The following TMEM272 variants were observed in gnomAD, a reference collection of about 807,000 sequenced individuals.
TMEM272 encodes the protein transmembrane protein 272, also known as long intergenic non-protein coding RNA 282.
Under a neutral mutation model 3.7 loss-of-function variants are expected in TMEM272, and 8 were observed. The observed-to-expected ratio is 2.17, with a 90% confidence interval of 1.27 to 3.91. The LOEUF (loss-of-function observed/expected upper bound fraction) is 3.91, where lower values mean the gene tolerates loss of function less well. TMEM272 is among the 30% of genes most tolerant of loss of function. TMEM272 has a pLI of 0.00. For synonymous variants in TMEM272, 63 were observed against 39.8 expected (o/e 1.58, Z -2.20); for missense variants, 166 against 91.5 (o/e 1.81, Z -3.32).
the TMEM272 span, among the ~76,000 whole-genome samples, chr13:51,923,535 C>T: frequency 1.6e-4 from 25 of 152,270 alleles, no homozygotes; most frequent in South Asian, 8.3e-4. Flanking sequence ...TGGAAAGTGC[C>T]GGCAGCCACT....
At chr13:51,911,552 C>T in the TMEM272 span, among the ~76,000 whole-genome samples, 49 of 152,212 alleles carry the variant, frequency 3.2e-4, no homozygotes, top group Admixed American at 1.0e-3. Flanking sequence ...TCAACTCATC[C>T]GGAAAGCTTG....
intron 1 of TMEM272, among the ~76,000 whole-genome samples, chr13:51,844,462 T>C (rs913901): frequency 0.15 from 23,304 of 152,164 alleles, 2,212 homozygotes; most frequent in Middle Eastern, 0.24. Flanking sequence ...TCCTTTCTTA[T>C]CTGTAGCTCT....
At chr13:51,867,534 T>C in the TMEM272 span, among the ~76,000 whole-genome samples, 2 of 152,126 alleles carry the variant, frequency 1.3e-5, no homozygotes, top group South Asian at 4.2e-4. Context: ...GGTGAACAAA[T>C]ACCCTTGGTG....
chr13:51,829,056 C>T (rs1392668144), intron 2 of TMEM272, among the ~76,000 whole-genome samples: 1 of 152,206 alleles, frequency 6.6e-6, no homozygotes, highest in African/African-American at 2.4e-5. Context: ...GGGTAGAATA[C>T]ACCCATATCA....
chr13:51,875,892 C>T, the TMEM272 span, among the ~76,000 whole-genome samples: 1 of 152,174 alleles, frequency 6.6e-6, no homozygotes, highest in African/African-American at 2.4e-5. Context: ...CAGTGCAAAC[C>T]CCAACTCCAA....
the TMEM272 span, among the ~76,000 whole-genome samples, chr13:51,859,971 C>A: frequency 1.3e-5 from 2 of 151,940 alleles, no homozygotes; most frequent in African/African-American, 2.4e-5. Flanking sequence ...TAGCTCACTG[C>A]AGCTCGACCT....
chr13:51,884,993 A>C, the TMEM272 span, among the ~76,000 whole-genome samples: 1 of 152,234 alleles, frequency 6.6e-6, no homozygotes, highest in Admixed American at 6.5e-5. Flanking sequence ...CAGGCACAGA[A>C]GATGCTTTCG....
At chr13:51,828,930 T>A (rs1002705683) in intron 2 of TMEM272, among the ~76,000 whole-genome samples, 3 of 152,184 alleles carry the variant, frequency 2.0e-5, no homozygotes, top group African/African-American at 7.2e-5. Flanking sequence ...GGCAATGATG[T>A]TCTAAGAAAC....
the TMEM272 span, among the ~76,000 whole-genome samples, chr13:51,927,629 T>G: frequency 6.6e-6 from 1 of 152,178 alleles, no homozygotes; most frequent in South Asian, 2.1e-4. Flanking sequence ...TCCACACTCT[T>G]GTTCACTAGC....
At chr13:51,924,686 C>G in the TMEM272 span, among the ~76,000 whole-genome samples, 2 of 152,160 alleles carry the variant, frequency 1.3e-5, no homozygotes, top group African/African-American at 4.8e-5. Flanking sequence ...TGTCTCCAAA[C>G]AGTGTGGCCC....
rs1392345884 is a variant in TMEM272, at chr13:51,814,270, C to G, written c.*2481G>C. 3 of 152,250 alleles carry G rather than the reference C, an allele frequency of 2.0e-5. No individual in the cohort carries two copies. Among genetic ancestry groups the G allele is most frequent in the Non-Finnish European group, 2.9e-5 (2 of 68,068 alleles). The allele number at this position is 152,250 out of a possible 1,614,324, so 9.4% of individuals were successfully genotyped here. A position where few individuals can be genotyped will look rare whatever the true frequency, so the allele number is the denominator to read the frequency against. On this transcript the variant is annotated 3_prime_UTR_variant, in exon 5 of 5. Transcript: ENST00000629372. The stretch of plus-strand genomic sequence containing the variant: ...TATAGACCATTTGCCTTACTTAGCC[C>G]CAGAGCCTCTTTCTTGAAATGTGCC...
chr13:51,831,422 T>TAAATA (rs1181521946), intron 2 of TMEM272, among the ~76,000 whole-genome samples: 3 of 152,234 alleles, frequency 2.0e-5, no homozygotes, highest in East Asian at 1.9e-4. Context: ...AGACCTCATC[T>TAAATA]AAATAAAATA....
chr13:51,857,847 T>G, the TMEM272 span, among the ~76,000 whole-genome samples: 17 of 151,794 alleles, frequency 1.1e-4, no homozygotes, highest in Non-Finnish European at 2.5e-4. Flanking sequence ...AAAACAAAAC[T>G]CAACTATATG....
the TMEM272 span, among the ~76,000 whole-genome samples, chr13:51,864,736 G>A: frequency 6.6e-6 from 1 of 152,144 alleles, no homozygotes; most frequent in East Asian, 1.9e-4. Flanking sequence ...CGGGTCATCT[G>A]GTGTCTTTCT....
At chr13:51,881,870 G>A in the TMEM272 span, among the ~76,000 whole-genome samples, 14 of 151,916 alleles carry the variant, frequency 9.2e-5, no homozygotes, top group Admixed American at 5.9e-4. Flanking sequence ...TGAGGTTATG[G>A]TATTCCATTA....
chr13:51,818,523 G>A (rs1197526780), intron 4 of TMEM272, among the ~76,000 whole-genome samples: 1 of 152,184 alleles, frequency 6.6e-6, no homozygotes, highest in African/African-American at 2.4e-5. Flanking sequence ...GGGAATGGAT[G>A]TTGTACAAAA....
chr13:51,884,295 G>C, the TMEM272 span, among the ~76,000 whole-genome samples: 1 of 152,160 alleles, frequency 6.6e-6, no homozygotes, highest in African/African-American at 2.4e-5. Context: ...TCCACAGATG[G>C]GGAGCCTAGA....
At chr13:51,927,848 TA>T in the TMEM272 span, among the ~76,000 whole-genome samples, 9 of 152,244 alleles carry the variant, frequency 5.9e-5, no homozygotes, top group Admixed American at 1.3e-4. Flanking sequence ...TGCACCGTGC[TA>T]GGCATTTTAT....
chr13:51,917,831 C>T, the TMEM272 span, among the ~76,000 whole-genome samples: 2 of 152,154 alleles, frequency 1.3e-5, no homozygotes, highest in South Asian at 2.1e-4. Flanking sequence ...CTGGTCTCTG[C>T]CCCAGGGAGT....
Sources: allele counts gnomAD v4.1 joint callset (sites outside exome capture counted in the v4.1 genomes callset), GRCh38; gene constraint gnomAD v4.1.1; transcripts MANE v1.5; gene names NCBI Gene and HGNC (gene_info 2026-07-23, HGNC 2026-07-21).